The following DRICH1 variants were observed in gnomAD, a reference collection of about 807,000 sequenced individuals.
DRICH1 encodes aspartate rich 1, also known as aspartate-rich protein 1.
Under a neutral mutation model 39.5 loss-of-function variants are expected in DRICH1, and 38 were observed. The observed-to-expected ratio is 0.96, with a 90% CI of 0.74 to 1.26. DRICH1 has a LOEUF of 1.26. Ranked by LOEUF, DRICH1 falls within the 50% of genes most tolerant of loss-of-function variation. The pLI, the probability that DRICH1 is intolerant of heterozygous loss-of-function variation, is 0.00. For synonymous variants in DRICH1, 84 were observed against 99.5 expected (o/e 0.84, Z 0.93); for missense variants, 279 against 270.4 (o/e 1.03, Z -0.22).
chr22:23,600,283 G>A, the DRICH1 span, among the ~76,000 whole-genome samples: 8 of 152,168 alleles, frequency 5.3e-5, no homozygotes, highest in Non-Finnish European at 1.2e-4. Context: ...GGAAGCAGCA[G>A]GTGGGTTGTG....
At chr22:23,595,547 T>C in the DRICH1 span, among the ~76,000 whole-genome samples, 3 of 152,226 alleles carry the variant, frequency 2.0e-5, no homozygotes, top group Non-Finnish European at 4.4e-5. Flanking sequence ...CCTAGTTGCC[T>C]CTGAAAATGT....
At chr22:23,584,338 C>G in the DRICH1 span, among the ~76,000 whole-genome samples, 2 of 152,192 alleles carry the variant, frequency 1.3e-5, no homozygotes, top group African/African-American at 4.8e-5. Flanking sequence ...GTCACCTCTG[C>G]CCTGCTCCCG....
chr22:23,613,223 A>G, intron 11 of DRICH1, 66 bp downstream of exon 11: 2 of 1,210,756 alleles, frequency 1.7e-6, no homozygotes, highest in Non-Finnish European at 2.5e-6. Flanking sequence ...CACAAGCAAC[A>G]GGGATAACCT....
the DRICH1 span, among the ~76,000 whole-genome samples, chr22:23,591,693 G>A: frequency 6.6e-6 from 1 of 152,182 alleles, no homozygotes; most frequent in Admixed American, 6.5e-5. Context: ...TGGAGCACAT[G>A]GGCTCAGGGA....
intron 1 of DRICH1, among the ~76,000 whole-genome samples, chr22:23,630,405 T>C (rs1928320295): frequency 7.1e-6 from 1 of 140,934 alleles, no homozygotes; most frequent in Non-Finnish European, 1.6e-5. Context: ...GGTTCATTCC[T>C]TTCCACACTC....
At chr22:23,609,350 T>C (rs1169787147) in intron 11 of DRICH1, among the ~76,000 whole-genome samples, 1 of 152,176 alleles carries the variant, frequency 6.6e-6, no homozygotes, top group Non-Finnish European at 1.5e-5. Context: ...ATGGGTATGA[T>C]TTTGGCAGTG....
At chr22:23,609,010 C>T (rs1926886710) in intron 11 of DRICH1, among the ~76,000 whole-genome samples, 1 of 152,180 alleles carries the variant, frequency 6.6e-6, no homozygotes, top group Non-Finnish European at 1.5e-5. Flanking sequence ...CACACCCTTG[C>T]CTCCATTCTC....
At chr22:23,624,940 G>C (rs1373367671) in intron 2 of DRICH1, 36 bp from the exon 3 acceptor site, 1 of 1,608,894 alleles carries the variant, frequency 6.2e-7, no homozygotes, top group Non-Finnish European at 8.5e-7. Context: ...ATGAGGATCA[G>C]ATCAATTCTG....
chr22:23,588,208 C>A, the DRICH1 span, among the ~76,000 whole-genome samples: 1 of 152,214 alleles, frequency 6.6e-6, no homozygotes, highest in African/African-American at 2.4e-5. Flanking sequence ...CTCACTGCAA[C>A]CTCCGCCTCC....
intron 2 of DRICH1, 49 bp from the exon 3 acceptor site, chr22:23,624,953 G>A (rs752788679): frequency 1.9e-6 from 3 of 1,592,380 alleles, no homozygotes; most frequent in Non-Finnish European, 2.6e-6. Context: ...CAATTCTGCT[G>A]CACCCCCTAC....
At chr22:23,632,682 G>GC (rs1205447648), upstream of DRICH1, 4 of 152,316 alleles carry the variant, frequency 2.6e-5, no homozygotes, top group Non-Finnish European at 5.8e-5. Flanking sequence ...CTGAGCGGGG[G>GC]GGGTGGATCA....
chr22:23,589,681 C>G, the DRICH1 span, among the ~76,000 whole-genome samples: 1 of 152,134 alleles, frequency 6.6e-6, no homozygotes, highest in Non-Finnish European at 1.5e-5. Context: ...GAAACATCCT[C>G]ACTCTTGAGT....
At chr22:23,582,387 C>T in the DRICH1 span, among the ~76,000 whole-genome samples, 26 of 151,144 alleles carry the variant, frequency 1.7e-4, no homozygotes, top group East Asian at 4.9e-3. Context: ...CCCCATTCAA[C>T]ACCAACTTCC....
chr22:23,591,974 A>C, the DRICH1 span, among the ~76,000 whole-genome samples: 1 of 152,120 alleles, frequency 6.6e-6, no homozygotes, highest in African/African-American at 2.4e-5. Flanking sequence ...CCCATGTTAC[A>C]GTAGCTAACA....
intron 8 of DRICH1, among the ~76,000 whole-genome samples, chr22:23,615,938 A>C (rs1927324397): frequency 6.6e-6 from 1 of 152,206 alleles, no homozygotes; most frequent in African/African-American, 2.4e-5. Context: ...GTAAAACTGC[A>C]TATTCTCATT....
chr22:23,593,849 A>T, the DRICH1 span, among the ~76,000 whole-genome samples: 10 of 151,878 alleles, frequency 6.6e-5, no homozygotes, highest in Non-Finnish European at 1.5e-4. Flanking sequence ...GTGGTGGCGC[A>T]TGCCTGTAAT....
At chr22:23,587,820 A>G in the DRICH1 span, among the ~76,000 whole-genome samples, 3 of 152,206 alleles carry the variant, frequency 2.0e-5, no homozygotes, top group African/African-American at 7.2e-5. Context: ...AGCCTTCTCC[A>G]CTAGGCTTTG....
chr22:23,589,089 GACACACACACACACACACACAC>G, the DRICH1 span, among the ~76,000 whole-genome samples: 2 of 143,824 alleles, frequency 1.4e-5, no homozygotes, highest in African/African-American at 5.1e-5. Flanking sequence ...TCTCCCAGCT[GACACACACACACACACACACAC>G]ACACACACAC....
chr22:23,619,499 T>C, intron 5 of DRICH1, 106 bp from the exon 6 acceptor site: 2 of 730,620 alleles, frequency 2.7e-6, no homozygotes, highest in Non-Finnish European at 5.1e-6. Flanking sequence ...TGCACATTCA[T>C]GAGATTGAAA....
Sources: allele counts gnomAD v4.1 joint callset (sites outside exome capture counted in the v4.1 genomes callset), GRCh38; gene constraint gnomAD v4.1.1; transcripts MANE v1.5; gene names NCBI Gene and HGNC (gene_info 2026-07-23, HGNC 2026-07-21).